Variants in ELOVL6 observed in about 807,000 individuals in gnomAD.
ELOVL6 encodes ELOVL fatty acid elongase 6.
A neutral mutation model predicts 31.7 loss-of-function variants in ELOVL6; 8 were observed. That is an observed-to-expected ratio of 0.25 (90% CI 0.15 to 0.45). The LOEUF is 0.45. Ranked by LOEUF, ELOVL6 falls within the 20% of genes least tolerant of loss-of-function variation. ELOVL6 has a pLI of 1.00. For missense variants in ELOVL6, 126 were observed against 326.4 expected (o/e 0.39, Z 4.73); for synonymous variants, 101 against 117.7 (o/e 0.86, Z 0.92).
At chr4:110,100,980 T>C (rs908600254) in intron 2 of ELOVL6, among the ~76,000 whole-genome samples, 1 of 152,256 alleles carries the variant, frequency 6.6e-6, no homozygotes, top group African/African-American at 2.4e-5. Flanking sequence ...TTTTCATTTA[T>C]GACCAAAATA....
rs1017595168 is a variant in ELOVL6 at position 110,051,961 on chromosome 4, A to G, written c.374-199T>C. ...CACTATTTCTAGTTTCCTCATCTAT[A>G]TAAATGGTGATAATTTAAAAGAGTA... On this transcript the variant is annotated intron_variant, in intron 3 of 3. Coordinates refer to ENST00000302274, the MANE Select transcript of ELOVL6 (RefSeq NM_024090.3). The surrounding 1 kb of genome is among the most constrained non-coding windows in gnomAD (Gnocchi z 4.8). 4.6e-5 allele frequency among the ~76,000 whole-genome samples: 7 copies of G among 152,210 alleles called. No individual in the cohort carries two copies. The highest frequency in any genetic ancestry group is 7.3e-5 in the Non-Finnish European group (5 of 68,050).
At position 110,047,132 on chromosome 4, in the gene ELOVL6, T is replaced by C. The variant is rs1235606003; in HGVS notation, c.*4206A>G. ...TTGACTACTGGGACATTCTGGGTGCTTATAAAATTTTGACATGATATTATT... is the reference window on the plus strand; with the variant it reads ...TTGACTACTGGGACATTCTGGGTGCCTATAAAATTTTGACATGATATTATT... On this transcript the variant is annotated 3_prime_UTR_variant, in exon 4 of 4. Transcript: ENST00000302274. 2.0e-5 allele frequency: 3 copies of C among 152,180 alleles called. No homozygotes were observed. Among genetic ancestry groups the C allele is most frequent in the African/African-American group, 7.2e-5 (3 of 41,444 alleles). The allele number at this position is 152,180 out of a possible 1,614,324, so 9.4% of individuals were successfully genotyped here.
At chr4:110,159,782 TTCTC>T (rs746104232) in intron 1 of ELOVL6, among the ~76,000 whole-genome samples, 24 of 152,294 alleles carry the variant, frequency 1.6e-4, no homozygotes, top group African/African-American at 1.9e-4. Context: ...AACAGCACAT[TTCTC>T]TCTAACACTC....
intron 3 of ELOVL6, among the ~76,000 whole-genome samples, chr4:110,054,905 AT>A (rs1394630981): frequency 6.6e-6 from 1 of 152,098 alleles, no homozygotes; most frequent in Non-Finnish European, 1.5e-5. Context: ...ATTAATTTAA[AT>A]TTGCTTAGGA....
At position 110,049,203 on chromosome 4, in the gene ELOVL6, T is replaced by C. The variant is rs753195421; in HGVS notation, c.*2135A>G. The C allele has an allele frequency of 6.6e-6, 1 of 152,246 alleles. No homozygotes were observed. The highest frequency in any genetic ancestry group is 2.4e-5 in the African/African-American group (1 of 41,462). The allele number at this position is 152,246 out of a possible 1,614,324, so 9.4% of individuals were successfully genotyped here. On this transcript the variant is annotated 3_prime_UTR_variant, in exon 4 of 4. Transcript: ENST00000302274. ...AGCTCATGTCAGATTTTGCATAATTTATAATACATTCCTCCATCAGTTGTG... is the reference window on the plus strand; with the variant it reads ...AGCTCATGTCAGATTTTGCATAATTCATAATACATTCCTCCATCAGTTGTG...
rs528630615 is a variant in ELOVL6 at position 110,149,991 on chromosome 4, T to G, written c.90-44363A>C. Among the ~76,000 whole-genome samples the G allele has an allele frequency of 6.4e-4, 98 of 152,366 alleles. No homozygotes were observed. The Middle Eastern group carries it at 0.02, about 32-fold the overall frequency. ...ATCATGTAGTGAGAGTGAACAGTTATGTGTTTCAGATTTGAAAAGTAGAAA... is the reference window on the plus strand; with the variant it reads ...ATCATGTAGTGAGAGTGAACAGTTAGGTGTTTCAGATTTGAAAAGTAGAAA... On this transcript the variant is annotated intron_variant, in intron 1 of 3. Coordinates refer to ENST00000302274, the MANE Select transcript of ELOVL6 (RefSeq NM_024090.3).
At chr4:110,059,789 G>A (rs973672086) in intron 2 of ELOVL6, 35 bp from the exon 3 acceptor site, 9 of 1,581,234 alleles carry the variant, frequency 5.7e-6, no homozygotes, top group Non-Finnish European at 7.8e-6. Flanking sequence ...ACAGCATTTA[G>A]GAAAATAGTT....
intron 2 of ELOVL6, among the ~76,000 whole-genome samples, chr4:110,078,916 C>A (rs1451252107): frequency 5.3e-5 from 8 of 151,510 alleles, no homozygotes; most frequent in African/African-American, 1.9e-4. Flanking sequence ...AAATGGAAAA[C>A]AAAAAAAGGC....
chr4:110,084,326 G>GAC (rs1553956076), intron 2 of ELOVL6, among the ~76,000 whole-genome samples: 7 of 75,280 alleles, frequency 9.3e-5, no homozygotes, highest in African/African-American at 3.1e-4. Flanking sequence ...ATATAAATTT[G>GAC]ATATATATCA....
intron 1 of ELOVL6, among the ~76,000 whole-genome samples, chr4:110,117,101 T>C (rs1286207574): frequency 6.6e-6 from 1 of 152,218 alleles, no homozygotes; most frequent in South Asian, 2.1e-4. Flanking sequence ...AGAGGATATT[T>C]TGAAATATCT....
intron 2 of ELOVL6, among the ~76,000 whole-genome samples, chr4:110,083,962 T>TAAC (rs1755976948): frequency 9.6e-6 from 1 of 104,088 alleles, no homozygotes; most frequent in Non-Finnish European, 1.9e-5. Context: ...ATATATGATA[T>TAAC]ATATGATATA....
intron 2 of ELOVL6, among the ~76,000 whole-genome samples, chr4:110,076,513 C>T (rs1475295181): frequency 6.6e-6 from 1 of 152,120 alleles, no homozygotes; most frequent in African/African-American, 2.4e-5. Context: ...GGTCCTAGGA[C>T]ACTTGCTTTT....
intron 2 of ELOVL6, among the ~76,000 whole-genome samples, chr4:110,102,348 A>G (rs1030502702): frequency 2.0e-5 from 3 of 152,254 alleles, no homozygotes; most frequent in Non-Finnish European, 4.4e-5. Context: ...TGTGCATTGC[A>G]GGATAAAGTA....
At chr4:110,120,742 C>CATTGT (rs1310007464) in intron 1 of ELOVL6, among the ~76,000 whole-genome samples, 1 of 151,682 alleles carries the variant, frequency 6.6e-6, no homozygotes, top group African/African-American at 2.4e-5. Flanking sequence ...TCAACCACTA[C>CATTGT]ATTGTATACC....
chr4:110,114,937 T>G (rs1289077444), intron 1 of ELOVL6, among the ~76,000 whole-genome samples: 1 of 152,180 alleles, frequency 6.6e-6, no homozygotes, highest in Non-Finnish European at 1.5e-5. Flanking sequence ...ATGAGCACTT[T>G]CTCTGTACTC....
chr4:110,157,726 A>G (rs1470443036), intron 1 of ELOVL6, among the ~76,000 whole-genome samples: 1 of 152,216 alleles, frequency 6.6e-6, no homozygotes, highest in Non-Finnish European at 1.5e-5. Flanking sequence ...CATCAACTCA[A>G]TAAACATTTA....
intron 2 of ELOVL6, among the ~76,000 whole-genome samples, chr4:110,063,869 G>A (rs1755218859): frequency 6.6e-6 from 1 of 151,940 alleles, no homozygotes; most frequent in Non-Finnish European, 1.5e-5. Context: ...CCTGAGGTCA[G>A]GATTTCGAGA....
chr4:110,067,895 G>A (rs1252397454), intron 2 of ELOVL6, among the ~76,000 whole-genome samples: 1 of 151,940 alleles, frequency 6.6e-6, no homozygotes, highest in African/African-American at 2.4e-5. Flanking sequence ...CATATTTTAA[G>A]TTGATATCTG....
rs572622710 is a variant in ELOVL6 at position 110,111,194 on chromosome 4, T to C, written c.90-5566A>G. Among the ~76,000 whole-genome samples the C allele has an allele frequency of 1.2e-4, 18 of 152,328 alleles. No individual in the cohort carries two copies. In the East Asian group the frequency reaches 3.5e-3, roughly 29 times the overall value. On this transcript the variant is annotated intron_variant, in intron 1 of 3. Coordinates refer to ENST00000302274, the MANE Select transcript of ELOVL6 (RefSeq NM_024090.3). ...CTTATCTTTTTCCCCCCTTGTCACCTTTTAAAAAATCTTGGTGCATTCCGT... is the reference window on the plus strand; with the variant it reads ...CTTATCTTTTTCCCCCCTTGTCACCCTTTAAAAAATCTTGGTGCATTCCGT...
Sources: allele counts gnomAD v4.1 joint callset (sites outside exome capture counted in the v4.1 genomes callset), GRCh38; gene constraint gnomAD v4.1.1; non-coding constraint Gnocchi (gnomAD v3.1); transcripts MANE v1.5; gene names NCBI Gene and HGNC (gene_info 2026-07-23, HGNC 2026-07-21).